PRKD2: variants seen among roughly 807,000 people sequenced by gnomAD.
The protein encoded by PRKD2 is protein kinase D2, also known as serine/threonine-protein kinase D2.
Under a neutral mutation model 86.0 loss-of-function variants are expected in PRKD2, and 22 were observed. The ratio of observed to expected loss-of-function variants is 0.26; its 90% CI spans 0.18 to 0.37. PRKD2 has a LOEUF of 0.37. Among genes scored for constraint, PRKD2 ranks in the 10% least tolerant of loss-of-function variants. The pLI, the probability that PRKD2 is intolerant of heterozygous loss-of-function variation, is 1.00. For synonymous variants in PRKD2, 509 were observed against 510.9 expected, an observed-to-expected ratio of 1.00 and a Z score of 0.05; for missense variants, 818 against 1,199.2, an observed-to-expected ratio of 0.68 and a Z score of 4.70.
intron 9 of PRKD2, 58 bp downstream of exon 9, chr19:46,697,099 T>A (rs1304598849): frequency 3.2e-5 from 44 of 1,358,214 alleles, no homozygotes; most frequent in Non-Finnish European, 4.1e-5. Context: ...GGAGGAGGTG[T>A]GGGAAAGTTT....
In PRKD2 at chr19:46,716,199, C is replaced by A; in HGVS notation, c.172G>T (p.Val58Leu). The change falls in exon 1 of 18, where the codon GTG becomes TTG. Residue 58 changes from valine to leucine, a missense_variant. This residue lies in a region of PRKD2 where 403 missense variants were observed against 518.6 expected (regional missense o/e 0.78). Coordinates refer to ENST00000291281, the MANE Select transcript of PRKD2 (RefSeq NM_016457.5). This position sits in a 1 kb window ranked among gnomAD's most constrained non-coding sequence, Gnocchi z 7.9. ...AGCTCGGAGGCGGCGGGCAACAGCA[C>A]GAACTCGCGGGTCAGCCCGATCTGG... ...HIQIGLTREF[V>L]LLPAASELAH... 1 of 1,611,056 alleles carries A rather than the reference C, an allele frequency of 6.2e-7. No individual in the cohort carries two copies. The highest frequency in any genetic ancestry group is 8.5e-7 in the Non-Finnish European group (1 of 1,179,216).
Position 46,675,114 on chromosome 19 carries a change from A to C in PRKD2, c.2343T>G (p.Ile781Met), listed in dbSNP as rs1233532170. 6.2e-7 allele frequency: 1 copy of C among 1,609,358 alleles called. No homozygotes were observed. The highest frequency in any genetic ancestry group is 8.5e-7 in the Non-Finnish European group (1 of 1,177,464). The change falls in exon 17 of 18, where the codon ATT becomes ATG. Residue 781 changes from isoleucine to methionine, a missense_variant. Physicochemically the swap from Ile to Met is conservative, Grantham distance 10. Coordinates refer to ENST00000291281, the MANE Select transcript of PRKD2 (RefSeq NM_016457.5). ...CCTGCAGCAGGTTGTTGATGAGGTC[A>C]ATGGCTGCACAGGAAAGAGAAACAG... is the stretch of plus-strand genomic sequence containing the variant. ...SPWSHISAGA[I>M]DLINNLLQVK...
rs1484150394 is a variant in PRKD2 at position 46,714,017 on chromosome 19, G to A, written c.241-16C>T. 2.5e-6 allele frequency: 4 copies of A among 1,611,358 alleles called. No individual in the cohort carries two copies. In the Admixed American group the frequency reaches 5.0e-5, roughly 20 times the overall value. On this transcript the variant is annotated splice_polypyrimidine_tract_variant and intron_variant, in intron 1 of 17. Coordinates refer to ENST00000291281, the MANE Select transcript of PRKD2 (RefSeq NM_016457.5). ...ACTCAGGGAACTGAGGGGCGGGAGA[G>A]GGATGTGGCGACGGAAAAGCTCAGA... is the stretch of plus-strand genomic sequence containing the variant.
In PRKD2 at chr19:46,697,300, G is replaced by T. The variant is rs1182009260; in HGVS notation, c.1240-66C>A. 3 of 1,235,452 alleles carry T rather than the reference G, an allele frequency of 2.4e-6. No homozygotes were observed. The African/African-American group carries it at 4.5e-5, about 19-fold the overall frequency. The allele number at this position is 1,235,452 out of a possible 1,614,324, so 76.5% of individuals were successfully genotyped here. A position where few individuals can be genotyped will look rare whatever the true frequency, so the allele number is the denominator to read the frequency against. On this transcript the variant is annotated intron_variant, in intron 8 of 17. Coordinates refer to ENST00000291281, the MANE Select transcript of PRKD2 (RefSeq NM_016457.5). Reference sequence around the variant, plus strand: ...TCCTGCCCAGTCCCTATCCCGTGGAGCTGCTTGGGGCTCCAGGTGCCTGGA... The same window carrying T: ...TCCTGCCCAGTCCCTATCCCGTGGATCTGCTTGGGGCTCCAGGTGCCTGGA...
intron 7 of PRKD2, 63 bp from the exon 8 acceptor site, chr19:46,697,913 G>T: frequency 1.5e-6 from 2 of 1,304,510 alleles, no homozygotes; most frequent in South Asian, 1.2e-5. Flanking sequence ...GCTTGGGAAT[G>T]CAGGGGGCAT....
intron 5 of PRKD2, among the ~76,000 whole-genome samples, chr19:46,702,732 G>A (rs889862684): frequency 5.3e-5 from 8 of 151,380 alleles, no homozygotes; most frequent in African/African-American, 1.9e-4. Context: ...CTGTCACCCA[G>A]GCTGGAATGC....
chr19:46,678,256 C>T lies in PRKD2; in HGVS notation c.2338+140G>A. On this transcript the variant is annotated intron_variant, in intron 16 of 17. Transcript: ENST00000291281. The surrounding 1 kb of genome is among the most constrained non-coding windows in gnomAD (Gnocchi z 5.7). ...GGCTCCTCCTGTAGCCACATCCCTC[C>T]AGTAGGCCCGCCCCAGCACTGGGCT... is the stretch of plus-strand genomic sequence containing the variant. 2 of 1,326,846 alleles carry T rather than the reference C, an allele frequency of 1.5e-6. No homozygotes were observed. Among genetic ancestry groups the T allele is most frequent in the South Asian group, 1.4e-5 (1 of 70,128 alleles). 82.2% of individuals were successfully genotyped at this position (1,326,846 alleles called of 1,614,324 possible). A position where few individuals can be genotyped will look rare whatever the true frequency, so the allele number is the denominator to read the frequency against.
At position 46,700,872 on chromosome 19, in the gene PRKD2, T is replaced by C; in HGVS notation, c.1048A>G (p.Ile350Val). The change falls in exon 7 of 18, where the codon ATC becomes GTC. Residue 350 changes from isoleucine to valine, a missense_variant. By Grantham distance (29) the Ile-to-Val change is conservative. This residue lies in a region of PRKD2 where 403 missense variants were observed against 518.6 expected (regional missense o/e 0.78). Transcript: ENST00000291281. Reference sequence around the variant, plus strand: ...GCATTCTCTGAGTGGGAGCCAGGGATGACACCGGAGTCCTCTGACTCATCC... The same window carrying C: ...GCATTCTCTGAGTGGGAGCCAGGGACGACACCGGAGTCCTCTGACTCATCC... ...LMDESEDSGV[I>V]PGSHSENALH... 1 of 1,614,270 alleles carries C rather than the reference T, an allele frequency of 6.2e-7. No homozygotes were observed. The highest frequency in any genetic ancestry group is 1.7e-5 in the Admixed American group (1 of 60,032).
rs1268267546 is a variant in PRKD2, at chr19:46,675,019, G to GC, written c.2424+13dup. ...CCAATCCAGCCAATGGGCCAGCCCT[G>GC]CCCCCTGCATCACCTGTAACCAGGG... On this transcript the variant is annotated intron_variant, in intron 17 of 17. Transcript: ENST00000291281. 6.3e-7 allele frequency: 1 copy of GC among 1,595,916 alleles called. No individual in the cohort carries two copies. The highest frequency in any genetic ancestry group is 1.3e-5 in the African/African-American group (1 of 74,778).
chr19:46,694,467 C>T (rs894548369), intron 9 of PRKD2, among the ~76,000 whole-genome samples: 2 of 151,984 alleles, frequency 1.3e-5, no homozygotes, highest in South Asian at 2.1e-4. Flanking sequence ...TGGTGGTGTG[C>T]GCCTGTAATC....
intron 14 of PRKD2, among the ~76,000 whole-genome samples, chr19:46,687,109 G>A (rs886818494): frequency 2.0e-5 from 3 of 151,466 alleles, no homozygotes; most frequent in South Asian, 2.1e-4. Context: ...AACAGAGGCC[G>A]GGCACAGTGG....
intron 8 of PRKD2, 167 bp from the exon 9 acceptor site, chr19:46,697,401 C>T (rs541628948): frequency 1.7e-6 from 1 of 605,592 alleles, no homozygotes; most frequent in African/African-American, 1.9e-5. Flanking sequence ...TAACCCCAGC[C>T]CCGCCCCTAG....
chr19:46,678,226 A>G lies in PRKD2; in HGVS notation c.2338+170T>C, dbSNP rs2053240071. On this transcript the variant is annotated intron_variant, in intron 16 of 17. Transcript: ENST00000291281. This position sits in a 1 kb window ranked among gnomAD's most constrained non-coding sequence, Gnocchi z 5.7. ...GCCTGAGTCCCAGCCCATCTTTTACAGGACGGCTCCTCCTGTAGCCACATC... is the reference window on the plus strand; with the variant it reads ...GCCTGAGTCCCAGCCCATCTTTTACGGGACGGCTCCTCCTGTAGCCACATC... The G allele has an allele frequency of 2.8e-6, 3 of 1,061,406 alleles. No individual in the cohort carries two copies. The South Asian group carries it at 4.9e-5, about 17-fold the overall frequency. The allele number at this position is 1,061,406 out of a possible 1,614,324, so 65.7% of individuals were successfully genotyped here.
chr19:46,693,946 G>T lies in PRKD2; in HGVS notation c.1505C>A (p.Thr502Lys). 6.2e-7 allele frequency: 1 copy of T among 1,611,470 alleles called. No homozygotes were observed. Reference protein sequence around the residue: ...QGAEAARGWETAIRQALMPVI... With the variant: ...QGAEAARGWEKAIRQALMPVI... ...GGGCATCAGGGCCTGGCGGATGGCT[G>T]TCTCCCAGCCCCGGGCGGCCTCAGC... Residue 502 changes from threonine to lysine, a missense_variant, in exon 10 of 18, where the codon ACA becomes AAA. This residue lies in a region of PRKD2 where 127 missense variants were observed against 157.8 expected (regional missense o/e 0.80). Transcript: ENST00000291281. This position sits in a 1 kb window ranked among gnomAD's most constrained non-coding sequence, Gnocchi z 4.5.
intron 13 of PRKD2, 84 bp downstream of exon 13, chr19:46,690,516 G>C: frequency 2.4e-6 from 3 of 1,258,548 alleles, no homozygotes; most frequent in East Asian, 4.7e-5. Context: ...CCCTCCCCCA[G>C]GAAGCCTTCC....
At position 46,693,852 on chromosome 19, in the gene PRKD2, G is replaced by C. The variant is rs2053516402; in HGVS notation, c.1576+23C>G. 4 of 1,573,006 alleles carry C rather than the reference G, an allele frequency of 2.5e-6. No homozygotes were observed. The highest frequency in any genetic ancestry group is 1.7e-5 in the Admixed American group (1 of 57,768). On this transcript the variant is annotated intron_variant, in intron 10 of 17. Transcript: ENST00000291281. The surrounding 1 kb of genome is among the most constrained non-coding windows in gnomAD (Gnocchi z 4.5). Reference sequence around the variant, plus strand: ...CACCCATCTAGATCTATTCTCTCAAGGACCCGAGGTGGGAGGACTTACTGT... The same window carrying C: ...CACCCATCTAGATCTATTCTCTCAACGACCCGAGGTGGGAGGACTTACTGT...
In PRKD2 at chr19:46,697,182, T is replaced by C; in HGVS notation, c.1292A>G (p.Asn431Ser). Residue 431 changes from asparagine to serine, a missense_variant, in exon 9 of 18, where the codon AAC (asparagine) becomes AGC (serine). Physicochemically the swap from Asn to Ser is conservative, Grantham distance 46. Around this residue, in one of 5 missense-constraint regions of PRKD2, gnomAD observed 127 missense variants for 157.8 expected, o/e 0.80. Transcript: ENST00000291281. The stretch of plus-strand genomic sequence containing the variant: ...CTTATAGTATCTGTTGGTCGTGTTG[T>C]TCTGGAAGAGCGTGATACACTTGCA... ...LDCKCITLFQ[N>S]NTTNRYYKEI... 1 of 1,594,968 alleles carries C rather than the reference T, an allele frequency of 6.3e-7. No homozygotes were observed. The highest frequency in any genetic ancestry group is 8.6e-7 in the Non-Finnish European group (1 of 1,162,686).
chr19:46,682,463 C>A (rs1202406453), intron 14 of PRKD2, among the ~76,000 whole-genome samples: 1 of 152,008 alleles, frequency 6.6e-6, no homozygotes, highest in Non-Finnish European at 1.5e-5. Context: ...CTGGCCCCAT[C>A]CATGCCTTCC....
chr19:46,683,784 A>G (rs1292359862), intron 14 of PRKD2, among the ~76,000 whole-genome samples: 1 of 152,190 alleles, frequency 6.6e-6, no homozygotes, highest in African/African-American at 2.4e-5. Flanking sequence ...AGATGCATGT[A>G]AAACGCTTAG....
Sources: gnomAD v4.1 joint callset for allele counts (sites outside exome capture counted in the v4.1 genomes callset) on GRCh38, gnomAD v4.1.1 for gene constraint, gnomAD v4.1.1 regional missense constraint, Gnocchi (gnomAD v3.1) non-coding constraint, MANE v1.5 for transcripts, NCBI Gene and HGNC (gene_info 2026-07-23, HGNC 2026-07-21) for gene names.